The following LETM1 variants were observed in gnomAD, a reference collection of about 807,000 sequenced individuals.
The protein encoded by LETM1 is mitochondrial proton/calcium exchanger protein.
A neutral mutation model predicts 74.5 loss-of-function variants in LETM1; 50 were observed. The observed-to-expected ratio is 0.67, with a 90% CI of 0.53 to 0.85. LETM1 has a LOEUF of 0.85. LETM1 is among the 40% of genes least tolerant of loss of function. The probability of loss-of-function intolerance (pLI) is 0.00; values close to 1 mark genes in which losing one functional copy is unlikely to be tolerated. For missense variants in LETM1, 824 were observed against 967.8 expected (o/e 0.85, Z 1.97); for synonymous variants, 446 against 407.1 (o/e 1.10, Z -1.15).
intron 2 of LETM1, among the ~76,000 whole-genome samples, chr4:1,844,697 G>A (rs761873544): frequency 4.0e-5 from 6 of 151,334 alleles, no homozygotes; most frequent in Non-Finnish European, 8.8e-5. Context: ...ACAGTGAGCC[G>A]AGATTGTGCC....
At chr4:1,830,180 A>G (rs902581112) in intron 6 of LETM1, among the ~76,000 whole-genome samples, 1 of 151,832 alleles carries the variant, frequency 6.6e-6, no homozygotes, top group African/African-American at 2.4e-5. Context: ...GTTTTCTACT[A>G]TTTTCTCTCT....
At chr4:1,828,508 ACC>A (rs1163121053) in intron 6 of LETM1, among the ~76,000 whole-genome samples, 6 of 8,534 alleles carry the variant, frequency 7.0e-4, no homozygotes, top group African/African-American at 1.5e-3. Context: ...AGGGGGGCTG[ACC>A]CCCCCCCCCA....
At chr4:1,847,635 TGTG>T (rs1473342798) in intron 2 of LETM1, among the ~76,000 whole-genome samples, 1 of 151,584 alleles carries the variant, frequency 6.6e-6, no homozygotes, top group Non-Finnish European at 1.5e-5. Context: ...GCCTGGCTAA[TGTG>T]GTGAAAATTT....
chr4:1,814,319 C>T lies in LETM1; in HGVS notation c.*105G>A. The T allele has an allele frequency of 6.5e-7, 1 of 1,538,830 alleles. No homozygotes were observed. Among genetic ancestry groups the T allele is most frequent in the African/African-American group, 1.4e-5 (1 of 72,694 alleles). ...TATGGAAGTCTCTGATTTATTCCAGCCAAAATATTAGATGAGCCACTGAGA... is the reference window on the plus strand; with the variant it reads ...TATGGAAGTCTCTGATTTATTCCAGTCAAAATATTAGATGAGCCACTGAGA... On this transcript the variant is annotated 3_prime_UTR_variant, in exon 14 of 14. Transcript: ENST00000302787.
chr4:1,853,294 G>A (rs563992048), intron 1 of LETM1, among the ~76,000 whole-genome samples: 392 of 152,326 alleles, frequency 2.6e-3, no homozygotes, highest in Non-Finnish European at 4.6e-3. Context: ...CTCGTAAAGC[G>A]ACTTCCTCCC....
At chr4:1,820,059 C>G (rs1270148910) in intron 10 of LETM1, among the ~76,000 whole-genome samples, 1 of 152,176 alleles carries the variant, frequency 6.6e-6, no homozygotes, top group Non-Finnish European at 1.5e-5. Flanking sequence ...GCCTCAGCCT[C>G]CCCAGGAGCT....
chr4:1,818,512 C>G (rs1325548366), intron 11 of LETM1, among the ~76,000 whole-genome samples: 1 of 151,664 alleles, frequency 6.6e-6, no homozygotes, highest in Non-Finnish European at 1.5e-5. Context: ...ACTCAGGAGG[C>G]TGAGGCAGAA....
chr4:1,834,141 C>CA lies in LETM1; in HGVS notation c.876+703dup, dbSNP rs1479835577. ...CAGCAAGTATTTCTGGCTTTGCAGC[C>CA]ATGGAAACCACTCGCCTCTGTGCTG... On this transcript the variant is annotated intron_variant, in intron 5 of 13. Transcript: ENST00000302787. The surrounding 1 kb of genome is among the most constrained non-coding windows in gnomAD (Gnocchi z 5.0). 6.5e-6 allele frequency: 1 copy of CA among 153,326 alleles called. No homozygotes were observed. Among genetic ancestry groups the CA allele is most frequent in the Non-Finnish European group, 1.4e-5 (1 of 69,012 alleles). The allele number at this position is 153,326 out of a possible 1,614,324, so 9.5% of individuals were successfully genotyped here. A position where few individuals can be genotyped will look rare whatever the true frequency, so the allele number is the denominator to read the frequency against.
intron 1 of LETM1, among the ~76,000 whole-genome samples, chr4:1,854,479 CA>C (rs538075828): frequency 0.015 from 1,518 of 100,442 alleles, 22 homozygotes; most frequent in African/African-American, 0.041. Flanking sequence ...GACTCCATTT[CA>C]AAAAAAAAAA....
At position 1,814,589 on chromosome 4, in the gene LETM1, A is replaced by AG; in HGVS notation, c.2071-17dup. On this transcript the variant is annotated splice_polypyrimidine_tract_variant and intron_variant, in intron 13 of 13. Transcript: ENST00000302787. ...GCTCAATCACCTACACACGTGGGAA[A>AG]GGGAGAGGCTCAGGTGGCTGCGCCC... 6.2e-7 allele frequency: 1 copy of AG among 1,611,566 alleles called. No homozygotes were observed. The highest frequency in any genetic ancestry group is 8.5e-7 in the Non-Finnish European group (1 of 1,178,460).
intron 1 of LETM1, among the ~76,000 whole-genome samples, chr4:1,854,543 C>T (rs561138981): frequency 1.3e-5 from 2 of 151,858 alleles, no homozygotes; most frequent in East Asian, 3.9e-4. Context: ...CCTGTAATCC[C>T]AGCACTTTGG....
chr4:1,818,545 G>A (rs1458687598), intron 11 of LETM1, among the ~76,000 whole-genome samples: 4 of 151,800 alleles, frequency 2.6e-5, no homozygotes, highest in Non-Finnish European at 4.4e-5. Flanking sequence ...CCCAGGAGGC[G>A]GAAGTTGCAG....
chr4:1,834,708 C>T lies in LETM1; in HGVS notation c.876+137G>A, dbSNP rs1042350033. 1.3e-5 allele frequency: 20 copies of T among 1,504,752 alleles called. No individual in the cohort carries two copies. In the East Asian group the frequency reaches 2.8e-4, roughly 21 times the overall value. The allele number at this position is 1,504,752 out of a possible 1,614,324, so 93.2% of individuals were successfully genotyped here. On this transcript the variant is annotated intron_variant, in intron 5 of 13. Coordinates refer to ENST00000302787, the MANE Select transcript of LETM1 (RefSeq NM_012318.3). This position sits in a 1 kb window ranked among gnomAD's most constrained non-coding sequence, Gnocchi z 5.0. ...CTCCTGACACTCCACTGGCCCCCGA[C>T]TGAGCCTCCTGGGTAAACTTTCAAG...
At chr4:1,819,973 T>C (rs1711718739) in intron 10 of LETM1, among the ~76,000 whole-genome samples, 3 of 152,272 alleles carry the variant, frequency 2.0e-5, no homozygotes. Flanking sequence ...GGTCTCACTC[T>C]GTTGCCCAGG....
At position 1,836,468 on chromosome 4, in the gene LETM1, G is replaced by A; in HGVS notation, c.699C>T (p.Pro233=). ...FLLPVAVKLF[P]NMLPSTFETQ... is the part of the protein sequence containing the mutation. ...TCTCAAATGTGGATGGCAACATGTT[G>A]GGGAAGAGCTTCACAGCAACAGGCA... The change falls in exon 4 of 14, where the codon CCC becomes CCT. Residue 233 remains proline (P), a synonymous_variant. Transcript: ENST00000302787. The surrounding 1 kb of genome is among the most constrained non-coding windows in gnomAD (Gnocchi z 5.8). 1.2e-6 allele frequency: 2 copies of A among 1,614,020 alleles called. No homozygotes were observed. Among genetic ancestry groups the A allele is most frequent in the Non-Finnish European group, 1.7e-6 (2 of 1,179,978 alleles).
At chr4:1,848,408 C>A (rs765177292) in intron 2 of LETM1, among the ~76,000 whole-genome samples, 1 of 151,556 alleles carries the variant, frequency 6.6e-6, no homozygotes, top group Non-Finnish European at 1.5e-5. Flanking sequence ...ATTAGCCGGG[C>A]GTGGTGGCGG....
intron 7 of LETM1, 101 bp from the exon 8 acceptor site, chr4:1,823,876 C>G: frequency 7.5e-7 from 1 of 1,329,886 alleles, no homozygotes; most frequent in South Asian, 1.4e-5. Flanking sequence ...TCAGAGAAGA[C>G]AGTGTCTCAA....
chr4:1,830,591 C>A (rs1417570437), intron 6 of LETM1, among the ~76,000 whole-genome samples: 1 of 152,236 alleles, frequency 6.6e-6, no homozygotes, highest in Non-Finnish European at 1.5e-5. Context: ...ACCTTGGCCT[C>A]CCACAGTGCT....
intron 2 of LETM1, among the ~76,000 whole-genome samples, chr4:1,843,508 T>C (rs186946693): frequency 2.2e-4 from 33 of 152,358 alleles, no homozygotes; most frequent in African/African-American, 7.2e-4. Context: ...GCACCAGTAA[T>C]GGTCTGGGGA....
Sources: gnomAD v4.1 joint callset for allele counts (sites outside exome capture counted in the v4.1 genomes callset) on GRCh38, gnomAD v4.1.1 for gene constraint, Gnocchi (gnomAD v3.1) non-coding constraint, MANE v1.5 for transcripts, NCBI Gene and HGNC (gene_info 2026-07-23, HGNC 2026-07-21) for gene names.